Variants in MGAM2 observed in about 807,000 individuals in gnomAD.
MGAM2 encodes the protein probable maltase-glucoamylase 2.
A neutral mutation model predicts 96.1 loss-of-function variants in MGAM2; 98 were observed. The observed-to-expected ratio is 1.02, with a 90% CI of 0.87 to 1.21. MGAM2 has a LOEUF of 1.21. MGAM2 is among the 50% of genes most tolerant of loss of function. The pLI is 0.00. For synonymous variants in MGAM2, 749 were observed against 414.8 expected (o/e 1.81, Z -9.79); for missense variants, 2,055 against 1,182.4 (o/e 1.74, Z -10.82).
At chr7:142,141,310 G>C (rs1419711792) in intron 12 of MGAM2, among the ~76,000 whole-genome samples, 191 bp downstream of exon 12, 1 of 151,986 alleles carries the variant, frequency 6.6e-6, no homozygotes, top group Admixed American at 6.6e-5. Flanking sequence ...TAAAAAGCTA[G>C]CCTTGATCCT....
chr7:142,177,485 A>G (rs1413673460), intron 32 of MGAM2, among the ~76,000 whole-genome samples: 1 of 152,146 alleles, frequency 6.6e-6, no homozygotes, highest in Admixed American at 6.5e-5. Context: ...TGAACATAGC[A>G]CCAAACAGGT....
chr7:142,120,998 A>C (rs1403093363), intron 3 of MGAM2, among the ~76,000 whole-genome samples: 1 of 152,170 alleles, frequency 6.6e-6, no homozygotes, highest in Non-Finnish European at 1.5e-5. Context: ...TTATATATTT[A>C]AATTTTATTT....
At chr7:142,118,261 A>C (rs2129073801) in intron 2 of MGAM2, among the ~76,000 whole-genome samples, 1 of 152,230 alleles carries the variant, frequency 6.6e-6, no homozygotes, top group African/African-American at 2.4e-5. Flanking sequence ...GGACTCCCAG[A>C]GTATTTATCC....
At chr7:142,139,468 G>A (rs1795153575) in intron 10 of MGAM2, among the ~76,000 whole-genome samples, 1 of 151,894 alleles carries the variant, frequency 6.6e-6, no homozygotes, top group Non-Finnish European at 1.5e-5. Flanking sequence ...GGACTAGCCT[G>A]GTCAACATGG....
intron 32 of MGAM2, among the ~76,000 whole-genome samples, chr7:142,181,863 C>A (rs73158464): frequency 0.19 from 28,685 of 152,052 alleles, 2,969 homozygotes; most frequent in East Asian, 0.34. Context: ...GGCTTTGGGG[C>A]CCTCTCAGCT....
chr7:142,199,744 C>T, intron 44 of MGAM2, 136 bp from the exon 45 acceptor site: 1 of 429,160 alleles, frequency 2.3e-6, no homozygotes, highest in South Asian at 6.4e-5. Flanking sequence ...TCTATTGTAC[C>T]TATTTTTAGA....
Position 142,206,072 on chromosome 7 carries a change from T to G in MGAM2, c.5138-2501T>G, listed in dbSNP as rs59245341. ...TTTTTCTCATTGAATTATTTTGGAATTTTTGTTAAAAATCAATAGACCATT... is the reference window on the plus strand; with the variant it reads ...TTTTTCTCATTGAATTATTTTGGAAGTTTTGTTAAAAATCAATAGACCATT... On this transcript the variant is annotated intron_variant, in intron 45 of 47. Transcript: ENST00000477922. 7.5e-3 allele frequency among the ~76,000 whole-genome samples: 1,139 copies of G among 152,260 alleles called. 9 individuals are homozygous for G. The highest frequency in any genetic ancestry group is 0.026 in the African/African-American group (1,087 of 41,576).
At chr7:142,125,892 G>A (rs1490328124) in intron 3 of MGAM2, among the ~76,000 whole-genome samples, 1 of 152,066 alleles carries the variant, frequency 6.6e-6, no homozygotes, top group Non-Finnish European at 1.5e-5. Context: ...AGAACAAAAT[G>A]AGAAAGTATT....
chr7:142,202,358 G>A (rs1042740403), intron 45 of MGAM2, among the ~76,000 whole-genome samples: 1 of 152,138 alleles, frequency 6.6e-6, no homozygotes, highest in South Asian at 2.1e-4. Flanking sequence ...ACATGTGCAG[G>A]TTTGTTGCAT....
chr7:142,166,272 A>T lies in MGAM2; in HGVS notation c.2808+19A>T. 1 of 686,420 alleles carries T rather than the reference A, an allele frequency of 1.5e-6. No homozygotes were observed. The highest frequency in any genetic ancestry group is 2.6e-6 in the Non-Finnish European group (1 of 378,162). 42.5% of individuals were successfully genotyped at this position (686,420 alleles called of 1,614,324 possible). A position where few individuals can be genotyped will look rare whatever the true frequency, so the allele number is the denominator to read the frequency against. On this transcript the variant is annotated intron_variant, in intron 25 of 47. Transcript: ENST00000477922. ...TTGGGAGGTAAATGACCAGAAACAG[A>T]TTACCTCATTGATTAGGAAGTAATT... is the stretch of plus-strand genomic sequence containing the variant.
intron 46 of MGAM2, among the ~76,000 whole-genome samples, chr7:142,214,087 G>C (rs1797674142): frequency 6.6e-6 from 1 of 152,114 alleles, no homozygotes; most frequent in African/African-American, 2.4e-5. Flanking sequence ...TTCAGAAAAG[G>C]CCTTTGATAA....
rs71166564 is a variant in MGAM2 at position 142,129,825 on chromosome 7, CAAAAAAAAAAAAAAAAAAAA to C, written c.187-1102_187-1083del. Among the ~76,000 whole-genome samples the C allele has an allele frequency of 4.2e-3, 141 of 33,420 alleles. 2 individuals carry two copies. The highest frequency in any genetic ancestry group is 0.029 in the Middle Eastern group (1 of 34). 21.9% of individuals were successfully genotyped at this position (33,420 alleles called of 152,430 possible). The stretch of plus-strand genomic sequence containing the variant: ...GGGCAACAAGAACAAAACTCTGTCT[CAAAAAAAAAAAAAAAAAAAA>C]AAAAAAAAAAAAAAAAAAAAGAAAT... On this transcript the variant is annotated intron_variant, in intron 3 of 47. Transcript: ENST00000477922.
chr7:142,120,882 G>C (rs887627554), intron 3 of MGAM2, among the ~76,000 whole-genome samples: 1 of 152,172 alleles, frequency 6.6e-6, no homozygotes, highest in Non-Finnish European at 1.5e-5. Context: ...CAATGGATAC[G>C]TGCTAAGGAA....
chr7:142,184,636 T>C (rs1473148992), intron 33 of MGAM2, among the ~76,000 whole-genome samples: 1 of 152,222 alleles, frequency 6.6e-6, no homozygotes, highest in African/African-American at 2.4e-5. Context: ...TTTTTAATGC[T>C]ACATATACTT....
At chr7:142,156,016 A>G (rs1795725371) in intron 17 of MGAM2, among the ~76,000 whole-genome samples, 3 of 152,136 alleles carry the variant, frequency 2.0e-5, no homozygotes, top group African/African-American at 7.2e-5. Flanking sequence ...GTGGTGGCGC[A>G]TGCCTGTAAT....
intron 45 of MGAM2, among the ~76,000 whole-genome samples, chr7:142,200,288 T>C (rs1310235914): frequency 6.6e-6 from 1 of 152,152 alleles, no homozygotes; most frequent in African/African-American, 2.4e-5. Context: ...GGTTAATTCA[T>C]TCTCAATGGG....
intron 32 of MGAM2, among the ~76,000 whole-genome samples, chr7:142,177,208 T>C (rs1215111450): frequency 6.6e-6 from 1 of 152,162 alleles, no homozygotes; most frequent in Non-Finnish European, 1.5e-5. Flanking sequence ...CTCACAATCA[T>C]GGCAGAAGGT....
chr7:142,117,973 G>A (rs1355562720), intron 2 of MGAM2, among the ~76,000 whole-genome samples: 1 of 150,652 alleles, frequency 6.6e-6, no homozygotes, highest in Non-Finnish European at 1.5e-5. Flanking sequence ...GTATTTCCAT[G>A]GGTTGAAAGG....
chr7:142,121,302 C>T (rs903957678), intron 3 of MGAM2, among the ~76,000 whole-genome samples: 2 of 152,020 alleles, frequency 1.3e-5, no homozygotes, highest in Non-Finnish European at 2.9e-5. Context: ...CTCAGCCTCC[C>T]GAGGAGCTGG....
Sources: gnomAD v4.1 joint callset for allele counts (sites outside exome capture counted in the v4.1 genomes callset) on GRCh38, gnomAD v4.1.1 for gene constraint, MANE v1.5 for transcripts, NCBI Gene and HGNC (gene_info 2026-07-23, HGNC 2026-07-21) for gene names.